The following KRABD3 variants were observed in gnomAD, a reference collection of about 807,000 sequenced individuals.
KRABD3 encodes the protein KRAB domain containing 3.
At chr7:149,715,144 C>T in the KRABD3 span, 2 of 1,230,088 alleles carry the variant, frequency 1.6e-6, no homozygotes, top group East Asian at 6.3e-5. Context: ...CTGGGACCCC[C>T]CCGCAACTTC....
At chr7:149,721,068 T>C in the KRABD3 span, 2 of 1,524,354 alleles carry the variant, frequency 1.3e-6, no homozygotes, top group African/African-American at 1.4e-5. Flanking sequence ...GGCACTGCAC[T>C]GCATGTGGGC....
At chr7:149,715,394 C>A in the KRABD3 span, 1 of 1,115,202 alleles carries the variant, frequency 9.0e-7, no homozygotes, top group Non-Finnish European at 1.1e-6. Flanking sequence ...TCCTGGATCC[C>A]GGGGGCTGGG....
At chr7:149,731,162 A>G in the KRABD3 span, among the ~76,000 whole-genome samples, 11 of 152,310 alleles carry the variant, frequency 7.2e-5, 1 homozygote, top group South Asian at 1.7e-3. Context: ...AGGGAGAAGC[A>G]GTGGTAGAAG....
At chr7:149,719,938 C>A in the KRABD3 span, 1 of 1,473,382 alleles carries the variant, frequency 6.8e-7, no homozygotes, top group South Asian at 1.4e-5. The surrounding 1 kb of genome is among the most constrained non-coding windows in gnomAD (Gnocchi z 5.6). Context: ...GGGGCCTGGG[C>A]TGCTATGCAA....
the KRABD3 span, chr7:149,720,069 T>C: frequency 1.3e-6 from 2 of 1,553,808 alleles, no homozygotes; most frequent in Non-Finnish European, 1.7e-6. Flanking sequence ...GAAGAGCTGT[T>C]GGGGGAGGGA....
chr7:149,726,044 G>A, the KRABD3 span: 3 of 1,611,816 alleles, frequency 1.9e-6, no homozygotes, highest in African/African-American at 4.0e-5. Context: ...GGAACCAGGG[G>A]CAGCATCCTG....
At chr7:149,728,251 G>A in the KRABD3 span, among the ~76,000 whole-genome samples, 1 of 152,176 alleles carries the variant, frequency 6.6e-6, no homozygotes, top group South Asian at 2.1e-4. Flanking sequence ...TGGCAGCTGG[G>A]TGTGCTGAGG....
chr7:149,715,131 G>C, the KRABD3 span: 4 of 1,230,760 alleles, frequency 3.3e-6, no homozygotes, highest in South Asian at 4.1e-5. Context: ...GGGCGAGAAA[G>C]AGCTGGGACC....
At chr7:149,725,508 G>T in the KRABD3 span, 1 of 1,586,074 alleles carries the variant, frequency 6.3e-7, no homozygotes. Flanking sequence ...GGCCATGGGC[G>T]CGGGGTGGCA....
At chr7:149,730,263 G>T in the KRABD3 span, 1 of 1,554,850 alleles carries the variant, frequency 6.4e-7, no homozygotes, top group Non-Finnish European at 8.7e-7. Context: ...CCCCAGCCCC[G>T]GCTCCAGCTC....
At chr7:149,727,954 AAG>A in the KRABD3 span, among the ~76,000 whole-genome samples, 7 of 152,348 alleles carry the variant, frequency 4.6e-5, no homozygotes, top group African/African-American at 1.4e-4. Flanking sequence ...GCTGTCGGGA[AAG>A]AGAGTGGCAG....
the KRABD3 span, chr7:149,725,375 C>G: frequency 6.2e-7 from 1 of 1,608,150 alleles, no homozygotes; most frequent in Admixed American, 1.7e-5. Context: ...GGCATTCCCC[C>G]AAATGGGTCG....
chr7:149,721,001 C>A, the KRABD3 span: 29 of 1,612,640 alleles, frequency 1.8e-5, no homozygotes, highest in Non-Finnish European at 2.4e-5. Context: ...GTAAGTCAGA[C>A]AGTGGGGCAG....
At chr7:149,719,329 C>G in the KRABD3 span, 1 of 453,616 alleles carries the variant, frequency 2.2e-6, no homozygotes, top group Admixed American at 4.1e-5. The surrounding 1 kb of genome is among the most constrained non-coding windows in gnomAD (Gnocchi z 5.6). Flanking sequence ...TAAATAAGGT[C>G]CTACTTACAG....
chr7:149,722,663 G>C, the KRABD3 span: 1 of 1,481,594 alleles, frequency 6.7e-7, no homozygotes, highest in Non-Finnish European at 9.2e-7. Context: ...CCACCGGGCA[G>C]GCCTTGTCTG....
At chr7:149,731,843 C>T in the KRABD3 span, 1 of 1,180,880 alleles carries the variant, frequency 8.5e-7, no homozygotes, top group Non-Finnish European at 1.2e-6. Flanking sequence ...TTGGGGAAAA[C>T]AGCCTTCCAG....
chr7:149,725,805 T>G, the KRABD3 span: 5 of 1,327,338 alleles, frequency 3.8e-6, no homozygotes, highest in Non-Finnish European at 4.0e-6. Context: ...GGCAGGGTCT[T>G]CTGGTGCCCG....
chr7:149,729,648 C>T, the KRABD3 span: 1 of 985,066 alleles, frequency 1.0e-6, no homozygotes, highest in Non-Finnish European at 1.2e-6. Context: ...CCGCCGTCCA[C>T]TGCTGCTGCT....
the KRABD3 span, chr7:149,719,777 G>T: frequency 1.5e-6 from 2 of 1,371,900 alleles, no homozygotes; most frequent in South Asian, 1.4e-5. This position sits in a 1 kb window ranked among gnomAD's most constrained non-coding sequence, Gnocchi z 5.6. Flanking sequence ...CCTGAGAAAT[G>T]AACACGGGGA....
Sources: allele counts gnomAD v4.1 joint callset (sites outside exome capture counted in the v4.1 genomes callset), GRCh38; gene constraint gnomAD v4.1.1; non-coding constraint Gnocchi (gnomAD v3.1); transcripts MANE v1.5; gene names NCBI Gene and HGNC (gene_info 2026-07-23, HGNC 2026-07-21).